Variants in DNAJC15 observed in about 807,000 individuals in gnomAD.
DNAJC15 encodes dnaJ homolog subfamily C member 15.
A neutral mutation model predicts 22.4 loss-of-function variants in DNAJC15; 27 were observed. The observed-to-expected ratio is 1.20, with a 90% CI of 0.89 to 1.66. The LOEUF (loss-of-function observed/expected upper bound fraction) is 1.66, where lower values mean the gene tolerates loss of function less well. DNAJC15 is among the 40% of genes most tolerant of loss of function. DNAJC15 has a pLI of 0.00. For synonymous variants in DNAJC15, 79 were observed against 63.2 expected (o/e 1.25, Z -1.19); for missense variants, 208 against 187.1 (o/e 1.11, Z -0.65).
At chr13:43,103,851 CTT>C (rs1375306058) in intron 5 of DNAJC15, among the ~76,000 whole-genome samples, 1 of 152,152 alleles carries the variant, frequency 6.6e-6, no homozygotes, top group Non-Finnish European at 1.5e-5. Flanking sequence ...ATTGCTTTCT[CTT>C]ACCAGTAGAC....
In DNAJC15 at chr13:43,107,328, G is replaced by T; in HGVS notation, c.*80G>T. 3 of 1,229,614 alleles carry T rather than the reference G, an allele frequency of 2.4e-6. No individual in the cohort carries two copies. The highest frequency in any genetic ancestry group is 3.5e-5 in the Admixed American group (1 of 28,890). The allele number at this position is 1,229,614 out of a possible 1,614,324, so 76.2% of individuals were successfully genotyped here. A position where few individuals can be genotyped will look rare whatever the true frequency, so the allele number is the denominator to read the frequency against. On this transcript the variant is annotated 3_prime_UTR_variant, in exon 6 of 6. Transcript: ENST00000379221. ...AGCCCTGCAAAATATTCTAAAACAT[G>T]GTCTTCTTAATTTTCTATATGGATT...
chr13:43,064,079 C>T (rs952903466), intron 1 of DNAJC15, among the ~76,000 whole-genome samples: 2 of 152,166 alleles, frequency 1.3e-5, no homozygotes, highest in Non-Finnish European at 2.9e-5. Flanking sequence ...GGCTTTCGCT[C>T]CTCTGCCAGG....
chr13:43,034,346 C>G (rs1174838277), intron 1 of DNAJC15, among the ~76,000 whole-genome samples: 1 of 115,982 alleles, frequency 8.6e-6, no homozygotes, highest in Non-Finnish European at 1.6e-5. Context: ...GACAGAGTCT[C>G]GCTGTGTCGC....
chr13:43,050,303 T>TA (rs1316572026), intron 1 of DNAJC15, among the ~76,000 whole-genome samples: 1 of 152,172 alleles, frequency 6.6e-6, no homozygotes, highest in Non-Finnish European at 1.5e-5. Context: ...TTTAAAATTT[T>TA]AAAAAATTTT....
chr13:43,086,771 A>T (rs1014578247), intron 5 of DNAJC15, among the ~76,000 whole-genome samples: 2 of 152,226 alleles, frequency 1.3e-5, no homozygotes, highest in Admixed American at 1.3e-4. Context: ...AGATTCACTC[A>T]GCTAATTTAC....
intron 1 of DNAJC15, among the ~76,000 whole-genome samples, chr13:43,044,273 G>T (rs2040466409): frequency 6.6e-6 from 1 of 152,160 alleles, no homozygotes; most frequent in Admixed American, 6.5e-5. Context: ...TTAACTCACT[G>T]CAAGATAACA....
At chr13:43,023,811 C>G (rs1222148183) in intron 1 of DNAJC15, 77 bp downstream of exon 1, 1 of 1,348,502 alleles carries the variant, frequency 7.4e-7, no homozygotes, top group Non-Finnish European at 1.0e-6. Context: ...CCGCCTCACC[C>G]TTGAACCTTT....
At chr13:43,077,680 C>T (rs2040640097) in intron 3 of DNAJC15, among the ~76,000 whole-genome samples, 1 of 152,196 alleles carries the variant, frequency 6.6e-6, no homozygotes, top group South Asian at 2.1e-4. Context: ...GAGCTATCAG[C>T]CAGCCACAGC....
intron 1 of DNAJC15, among the ~76,000 whole-genome samples, chr13:43,028,356 A>C (rs560935384): frequency 6.6e-6 from 1 of 151,988 alleles, no homozygotes; most frequent in South Asian, 2.1e-4. Context: ...TGAGTCACTT[A>C]GCCTCATCTC....
intron 1 of DNAJC15, among the ~76,000 whole-genome samples, chr13:43,061,846 C>T (rs1430289009): frequency 2.6e-5 from 4 of 152,192 alleles, no homozygotes; most frequent in Non-Finnish European, 5.9e-5. Context: ...AATGTTTAAA[C>T]TATAAGGATA....
At position 43,107,505 on chromosome 13, in the gene DNAJC15, T is replaced by A. The variant is rs2040803237; in HGVS notation, c.*257T>A. 1 of 244,362 alleles carries A rather than the reference T, an allele frequency of 4.1e-6. No individual in the cohort carries two copies. Among genetic ancestry groups the A allele is most frequent in the Non-Finnish European group, 7.5e-6 (1 of 132,700 alleles). The allele number at this position is 244,362 out of a possible 1,614,324, so 15.1% of individuals were successfully genotyped here. A position where few individuals can be genotyped will look rare whatever the true frequency, so the allele number is the denominator to read the frequency against. On this transcript the variant is annotated 3_prime_UTR_variant, in exon 6 of 6. Transcript: ENST00000379221. ...ATTCATACATTTTTAAGATTTTTGT[T>A]ATGTTCTGAATTCCCCCCTACACAC...
intron 1 of DNAJC15, among the ~76,000 whole-genome samples, chr13:43,048,976 A>T (rs1303759101): frequency 1.4e-5 from 2 of 142,432 alleles, no homozygotes; most frequent in Admixed American, 6.8e-5. Flanking sequence ...TTAAAGAATT[A>T]AAAAAAAAGC....
chr13:43,060,542 G>A (rs2153440643), intron 1 of DNAJC15, among the ~76,000 whole-genome samples: 1 of 152,208 alleles, frequency 6.6e-6, no homozygotes, highest in South Asian at 2.1e-4. Flanking sequence ...TTTTTATGTT[G>A]TCATATACCA....
chr13:43,053,384 G>A (rs999930701), intron 1 of DNAJC15, among the ~76,000 whole-genome samples: 1 of 152,074 alleles, frequency 6.6e-6, no homozygotes, highest in Non-Finnish European at 1.5e-5. Context: ...TTGGCTGCAT[G>A]GGCTGTTTTT....
chr13:43,090,532 C>T (rs1301415031), intron 5 of DNAJC15, among the ~76,000 whole-genome samples: 2 of 152,000 alleles, frequency 1.3e-5, no homozygotes, highest in Non-Finnish European at 2.9e-5. Context: ...ATTTCCTATA[C>T]ATGGCATAAA....
Position 43,039,432 on chromosome 13 carries a change from A to G in DNAJC15, c.108+15698A>G, listed in dbSNP as rs574588521. ...TGCATGTACCTTTCCATGCAATCAA[A>G]CAGAAATGAAAAGTTTCCAGAAAAG... On this transcript the variant is annotated intron_variant, in intron 1 of 5. Transcript: ENST00000379221. Among the ~76,000 whole-genome samples, 6 of 152,316 alleles carry G rather than the reference A, an allele frequency of 3.9e-5. No individual in the cohort carries two copies. The East Asian group carries it at 1.2e-3, about 29-fold the overall frequency.
At chr13:43,047,335 T>C (rs1277182295) in intron 1 of DNAJC15, among the ~76,000 whole-genome samples, 1 of 152,128 alleles carries the variant, frequency 6.6e-6, no homozygotes, top group Non-Finnish European at 1.5e-5. Context: ...AGTAGAAAGA[T>C]CTCCTGAGTA....
intron 1 of DNAJC15, among the ~76,000 whole-genome samples, chr13:43,032,857 TTATAAAGAAAAGAGG>T (rs1348817447): frequency 6.6e-6 from 1 of 151,994 alleles, no homozygotes; most frequent in Admixed American, 6.6e-5. Context: ...TACTGTTAGC[TTATAAAGAAAAGAGG>T]TTTAATTGGC....
chr13:43,073,099 C>G (rs768855336), intron 3 of DNAJC15, among the ~76,000 whole-genome samples: 4 of 152,084 alleles, frequency 2.6e-5, no homozygotes, highest in Non-Finnish European at 1.5e-5. Context: ...GTCCAGTGAT[C>G]CTTGGTTGTT....
Sources: gnomAD v4.1 joint callset for allele counts (sites outside exome capture counted in the v4.1 genomes callset) on GRCh38, gnomAD v4.1.1 for gene constraint, MANE v1.5 for transcripts, NCBI Gene and HGNC (gene_info 2026-07-23, HGNC 2026-07-21) for gene names.